IL17F: variants seen among roughly 807,000 people sequenced by gnomAD.
The protein encoded by IL17F is interleukin-17F.
A neutral mutation model predicts 8.3 loss-of-function variants in IL17F; 6 were observed. That is an observed-to-expected ratio of 0.73 (90% CI 0.40 to 1.43). The LOEUF (loss-of-function observed/expected upper bound fraction) is 1.43, where lower values mean the gene tolerates loss of function less well. Ranked by LOEUF, IL17F falls within the 40% of genes most tolerant of loss-of-function variation. IL17F has a pLI of 0.02. For synonymous variants in IL17F, 98 were observed against 81.6 expected (o/e 1.20, Z -1.08); for missense variants, 204 against 209.6 (o/e 0.97, Z 0.17).
At position 52,236,957 on chromosome 6, in the gene IL17F, T is replaced by C; in HGVS notation, c.466A>G (p.Thr156Ala). The C allele has an allele frequency of 6.2e-7, 1 of 1,613,988 alleles. No homozygotes were observed. Reference sequence around the variant, plus strand: ...TACTGCACATGGTGGATGACAGGGGTGACGCAGGTGCAGCCAACAGTCACC... The same window carrying C: ...TACTGCACATGGTGGATGACAGGGGCGACGCAGGTGCAGCCAACAGTCACC... ...VLVTVGCTCV[T>A]PVIHHVQ The change falls in exon 3 of 3, where the codon ACC becomes GCC. Residue 156 changes from threonine to alanine, a missense_variant. Coordinates refer to ENST00000336123, the MANE Select transcript of IL17F (RefSeq NM_052872.4).
chr6:52,244,737 G>A (rs899219575), upstream of IL17F, among the ~76,000 whole-genome samples: 14 of 151,988 alleles, frequency 9.2e-5, no homozygotes, highest in Non-Finnish European at 2.1e-4. Flanking sequence ...ACAAATCAGA[G>A]CAAAATTTTT....
At chr6:52,244,643 CA>C, upstream of IL17F, 1 of 587,748 alleles carries the variant, frequency 1.7e-6, no homozygotes, top group Non-Finnish European at 3.0e-6. Context: ...CGAAGGGGAA[CA>C]AAAGGGGGAC....
chr6:52,239,294 C>T (rs1764026970), intron 1 of IL17F: 1 of 314,572 alleles, frequency 3.2e-6, no homozygotes, highest in African/African-American at 2.1e-5. Context: ...GATAATAATG[C>T]TCACTTTATG....
At chr6:52,242,791 T>A (rs1345403967) in intron 1 of IL17F, among the ~76,000 whole-genome samples, 1 of 152,238 alleles carries the variant, frequency 6.6e-6, no homozygotes, top group Non-Finnish European at 1.5e-5. Context: ...AATAACAATA[T>A]TAATATGAAC....
intron 1 of IL17F, among the ~76,000 whole-genome samples, chr6:52,242,669 T>G (rs1764094526): frequency 6.6e-6 from 1 of 152,262 alleles, no homozygotes; most frequent in African/African-American, 2.4e-5. Flanking sequence ...TTCTTGTGCT[T>G]ACAGTATCCA....
At chr6:52,244,187 G>A (rs910696309) in intron 1 of IL17F, among the ~76,000 whole-genome samples, 3 of 152,086 alleles carry the variant, frequency 2.0e-5, no homozygotes, top group East Asian at 1.9e-4. Flanking sequence ...GAGCCACCAC[G>A]CCTGGCCAGG....
At chr6:52,240,570 T>A (rs185129951) in intron 1 of IL17F, among the ~76,000 whole-genome samples, 3 of 152,182 alleles carry the variant, frequency 2.0e-5, no homozygotes, top group African/African-American at 7.2e-5. Flanking sequence ...AAGGCCTTCC[T>A]TTTCATATTT....
chr6:52,244,556 C>A, upstream of IL17F: 1 of 895,262 alleles, frequency 1.1e-6, no homozygotes. Context: ...TTTCGATTGA[C>A]CTGCTTACTG....
At chr6:52,244,640 G>T, upstream of IL17F, 1 of 589,038 alleles carries the variant, frequency 1.7e-6, no homozygotes, top group Non-Finnish European at 3.0e-6. Context: ...TCCCGAAGGG[G>T]AACAAAAGGG....
At position 52,236,747 on chromosome 6, in the gene IL17F, A is replaced by G; in HGVS notation, c.*184T>C. On this transcript the variant is annotated 3_prime_UTR_variant, in exon 3 of 3. Coordinates refer to ENST00000336123, the MANE Select transcript of IL17F (RefSeq NM_052872.4). ...ATTAATTTTTCTCCTAACATTTTAGATATCAAATATAAAGTGTAGTACATA... is the reference window on the plus strand; with the variant it reads ...ATTAATTTTTCTCCTAACATTTTAGGTATCAAATATAAAGTGTAGTACATA... 1 of 620,690 alleles carries G rather than the reference A, an allele frequency of 1.6e-6. No homozygotes were observed. 38.4% of individuals were successfully genotyped at this position (620,690 alleles called of 1,614,324 possible).
At chr6:52,243,374 A>G (rs1254688305) in intron 1 of IL17F, among the ~76,000 whole-genome samples, 1 of 152,202 alleles carries the variant, frequency 6.6e-6, no homozygotes, top group African/African-American at 2.4e-5. Context: ...TTTTCATTGC[A>G]TTAACATCTC....
At chr6:52,244,578 T>C (rs867237412), upstream of IL17F, 2 of 780,826 alleles carry the variant, frequency 2.6e-6, no homozygotes, top group African/African-American at 1.7e-5. Context: ...CTTTAAGTTG[T>C]GGTTGACCCG....
upstream of IL17F, among the ~76,000 whole-genome samples, chr6:52,244,844 A>G (rs1764137522): frequency 6.6e-6 from 1 of 152,188 alleles, no homozygotes; most frequent in Non-Finnish European, 1.5e-5. Context: ...CATATGTTCT[A>G]CTTTCCAGTC....
upstream of IL17F, chr6:52,244,610 G>GT (rs3215541): frequency 0.015 from 7,752 of 510,390 alleles, no homozygotes; most frequent in East Asian, 0.023. Flanking sequence ...GAATGCAGGG[G>GT]TTTTTTTTTT....
rs944189808 is a variant in IL17F at position 52,236,826 on chromosome 6, G to T, written c.*105C>A. On this transcript the variant is annotated 3_prime_UTR_variant, in exon 3 of 3. Coordinates refer to ENST00000336123, the MANE Select transcript of IL17F (RefSeq NM_052872.4). ...TCCATCCGTGCAGGTCTTATTAAGA[G>T]TCCTGTGAAGTGGAGGGAATTGGGG... 108 of 865,288 alleles carry T rather than the reference G, an allele frequency of 1.2e-4. No individual in the cohort carries two copies. The highest frequency in any genetic ancestry group is 7.6e-5 in the Non-Finnish European group (38 of 499,264). 53.6% of individuals were successfully genotyped at this position (865,288 alleles called of 1,614,324 possible).
chr6:52,238,652 T>G, intron 2 of IL17F, 78 bp downstream of exon 2: 10 of 1,239,578 alleles, frequency 8.1e-6, no homozygotes, highest in Non-Finnish European at 1.2e-5. Flanking sequence ...CTATGTATTC[T>G]ACATTTTCTA....
At position 52,242,477 on chromosome 6, in the gene IL17F, A is replaced by G. The variant is rs144715742; in HGVS notation, c.33+1920T>C. The stretch of plus-strand genomic sequence containing the variant: ...CTATTCCAATGCTCCTTGCACTGTT[A>G]TGTTTCTTGCTGACAACCCAACAGA... On this transcript the variant is annotated intron_variant, in intron 1 of 2. Coordinates refer to ENST00000336123, the MANE Select transcript of IL17F (RefSeq NM_052872.4). Among the ~76,000 whole-genome samples the G allele has an allele frequency of 5.1e-4, 77 of 152,326 alleles. No individual in the cohort carries two copies. The East Asian group carries it at 0.015, about 29-fold the overall frequency.
At chr6:52,241,674 C>T (rs745774226) in intron 1 of IL17F, among the ~76,000 whole-genome samples, 5 of 152,158 alleles carry the variant, frequency 3.3e-5, no homozygotes, top group Non-Finnish European at 7.3e-5. Context: ...TCTTTAAACA[C>T]TGGATTTTCA....
intron 1 of IL17F, among the ~76,000 whole-genome samples, chr6:52,242,841 C>T (rs948161879): frequency 2.6e-5 from 4 of 151,784 alleles, no homozygotes; most frequent in African/African-American, 7.3e-5. Context: ...CATTATCAGT[C>T]GTTGTTTATT....
Sources: gnomAD v4.1 joint callset for allele counts (sites outside exome capture counted in the v4.1 genomes callset) on GRCh38, gnomAD v4.1.1 for gene constraint, MANE v1.5 for transcripts, NCBI Gene and HGNC (gene_info 2026-07-23, HGNC 2026-07-21) for gene names.